CNOT1: variants seen among roughly 807,000 people sequenced by gnomAD.
The protein encoded by CNOT1 is CCR4-NOT transcription complex subunit 1.
In CNOT1, 15 loss-of-function variants were observed where a neutral mutation model predicts 273.8. The observed-to-expected ratio is 0.05, with a 90% confidence interval of 0.04 to 0.08. The LOEUF (loss-of-function observed/expected upper bound fraction) is 0.08. Among genes scored for constraint, CNOT1 ranks in the 10% least tolerant of loss-of-function variants. CNOT1 has a pLI of 1.00. For missense variants in CNOT1, 1,644 were observed against 2,912.2 expected, an observed-to-expected ratio of 0.56 and a Z score of 10.02; for synonymous variants, 1,022 against 1,005.5, an observed-to-expected ratio of 1.02 and a Z score of -0.31.
At chr16:58,619,490 C>T (rs979045869) in intron 1 of CNOT1, among the ~76,000 whole-genome samples, 2 of 151,660 alleles carry the variant, frequency 1.3e-5, no homozygotes, top group African/African-American at 2.4e-5. Context: ...TGCAGTGGCG[C>T]GATCTCAGCT....
chr16:58,550,350 T>C (rs1024020132), intron 24 of CNOT1, among the ~76,000 whole-genome samples: 10 of 152,194 alleles, frequency 6.6e-5, no homozygotes, highest in Admixed American at 1.3e-4. Flanking sequence ...TAAAATTAAA[T>C]GTAGATTTTC....
intron 31 of CNOT1, chr16:58,543,145 T>C: frequency 7.3e-7 from 1 of 1,373,336 alleles, no homozygotes; most frequent in Non-Finnish European, 9.4e-7. Context: ...ATTAAAGCAG[T>C]AAACAAATTA....
intron 2 of CNOT1, among the ~76,000 whole-genome samples, chr16:58,590,628 A>G (rs992621379): frequency 6.6e-6 from 1 of 152,012 alleles, no homozygotes; most frequent in African/African-American, 2.4e-5. Flanking sequence ...GTCTGGGTGC[A>G]GTGGCTTACA....
At chr16:58,532,607 A>G (rs2039805486) in intron 40 of CNOT1, 1 of 788,022 alleles carries the variant, frequency 1.3e-6, no homozygotes, top group Non-Finnish European at 1.9e-6. Flanking sequence ...GCATTTCAAC[A>G]TCCTTGGACC....
intron 1 of CNOT1, among the ~76,000 whole-genome samples, chr16:58,600,753 A>G (rs2042431632): frequency 6.6e-6 from 1 of 152,230 alleles, no homozygotes. Context: ...CAGGATTATT[A>G]TCAGTTTAAC....
intron 44 of CNOT1, 58 bp from the exon 45 acceptor site, chr16:58,526,196 T>C: frequency 6.3e-7 from 1 of 1,591,818 alleles, no homozygotes; most frequent in Non-Finnish European, 8.6e-7. Context: ...GTAAATTACA[T>C]CTATGCTTAA....
chr16:58,524,546 C>T (rs555245420), intron 46 of CNOT1, among the ~76,000 whole-genome samples: 5 of 152,032 alleles, frequency 3.3e-5, no homozygotes, highest in Non-Finnish European at 7.4e-5. Context: ...TATAGGCATG[C>T]AGCATATATG....
intron 2 of CNOT1, 59 bp downstream of exon 2, chr16:58,599,177 T>C: frequency 6.2e-7 from 1 of 1,608,712 alleles, no homozygotes; most frequent in Non-Finnish European, 8.5e-7. Flanking sequence ...ATGTGTGGTT[T>C]TCTTTCCACT....
At chr16:58,555,680 C>G in intron 20 of CNOT1, 104 bp downstream of exon 20, 2 of 1,560,140 alleles carry the variant, frequency 1.3e-6, no homozygotes, top group Admixed American at 1.9e-5. Flanking sequence ...AAACACAAAC[C>G]GCTATATCAG....
intron 1 of CNOT1, among the ~76,000 whole-genome samples, chr16:58,601,528 C>A (rs534592077): frequency 6.6e-6 from 1 of 152,174 alleles, no homozygotes; most frequent in Admixed American, 6.6e-5. Flanking sequence ...CAAAACTCAC[C>A]ATGTAAGATG....
intron 39 of CNOT1, among the ~76,000 whole-genome samples, chr16:58,535,362 G>A (rs556109377): frequency 6.6e-5 from 10 of 152,366 alleles, no homozygotes; most frequent in African/African-American, 1.4e-4. Context: ...CTAACAGAGA[G>A]TGAGGAATAT....
chr16:58,599,050 CAAAAAAAAAA>C (rs55921701), intron 2 of CNOT1, 176 bp downstream of exon 2: 4 of 311,854 alleles, frequency 1.3e-5, no homozygotes, highest in Non-Finnish European at 2.3e-5. Flanking sequence ...GACTCTGTCT[CAAAAAAAAAA>C]AAAAAAAAAA....
At chr16:58,525,869 T>G in intron 45 of CNOT1, 120 bp downstream of exon 45, 1 of 821,778 alleles carries the variant, frequency 1.2e-6, no homozygotes, top group Admixed American at 2.4e-5. Context: ...TTAATCAACC[T>G]CACCCAATTG....
chr16:58,539,624 G>A (rs1379657427), intron 35 of CNOT1, 144 bp downstream of exon 35: 30 of 681,302 alleles, frequency 4.4e-5, no homozygotes, highest in Non-Finnish European at 5.1e-5. Context: ...TTCTACGTTG[G>A]AAAAAAAAAA....
At position 58,537,776 on chromosome 16, in the gene CNOT1, A is replaced by T. The variant is rs927865538; in HGVS notation, c.5414+115T>A. The T allele has an allele frequency of 7.3e-6, 10 of 1,369,212 alleles. No individual in the cohort carries two copies. In the African/African-American group the frequency reaches 1.4e-4, roughly 20 times the overall value. 84.8% of individuals were successfully genotyped at this position (1,369,212 alleles called of 1,614,324 possible). On this transcript the variant is annotated intron_variant, in intron 38 of 48. Transcript: ENST00000317147. ...TAGCCCTTACCAAAGCTACCCACCCATATGTGGTTGGTAAAGCAGTTATAA... is the reference window on the plus strand; with the variant it reads ...TAGCCCTTACCAAAGCTACCCACCCTTATGTGGTTGGTAAAGCAGTTATAA...
chr16:58,619,463 T>C (rs2043223872), intron 1 of CNOT1, among the ~76,000 whole-genome samples: 1 of 151,888 alleles, frequency 6.6e-6, no homozygotes, highest in Non-Finnish European at 1.5e-5. Flanking sequence ...CGTCTCGCTC[T>C]GTCACCCAGG....
At chr16:58,598,672 A>G (rs1336946768) in intron 2 of CNOT1, among the ~76,000 whole-genome samples, 1 of 151,988 alleles carries the variant, frequency 6.6e-6, no homozygotes, top group Non-Finnish European at 1.5e-5. Context: ...AATCCTAGCT[A>G]GCAGGTTTCT....
At chr16:58,604,232 T>C (rs2042581642) in intron 1 of CNOT1, among the ~76,000 whole-genome samples, 1 of 152,196 alleles carries the variant, frequency 6.6e-6, no homozygotes, top group African/African-American at 2.4e-5. Context: ...ATGTCATTAT[T>C]TATAGGCCAT....
chr16:58,560,779 C>T (rs1217585156), intron 16 of CNOT1, among the ~76,000 whole-genome samples: 2 of 152,124 alleles, frequency 1.3e-5, no homozygotes, highest in East Asian at 1.9e-4. Flanking sequence ...AATCCCAGCA[C>T]TTTGGGAGGC....
Sources: allele counts gnomAD v4.1 joint callset (sites outside exome capture counted in the v4.1 genomes callset), GRCh38; gene constraint gnomAD v4.1.1; transcripts MANE v1.5; gene names NCBI Gene and HGNC (gene_info 2026-07-23, HGNC 2026-07-21).